Variants in DMD observed in about 807,000 individuals in gnomAD.
The protein encoded by DMD is mutant dystrophin.
DMD carries 63 observed loss-of-function variants against 330.1 expected under a neutral mutation model. The ratio of observed to expected loss-of-function variants is 0.19; its 90% CI spans 0.16 to 0.24. The LOEUF is 0.24. Ranked by LOEUF, DMD falls within the 10% of genes least tolerant of loss-of-function variation. The probability of loss-of-function intolerance (pLI) is 1.00; values close to 1 mark genes in which losing one functional copy is unlikely to be tolerated. For missense variants in DMD, 3,344 were observed against 2,684.1 expected (o/e 1.25, Z -5.43); for synonymous variants, 1,223 against 959.8 (o/e 1.27, Z -5.07).
rs144329742 is a variant in DMD, at chrX:32,411,860, A to G, written c.4125T>C (p.Thr1375=). ...LEQSIQSAQE[T]EKSLHLIQES... ...CCTGGATTAAGTGTAAGGATTTTTCAGTCTCCTGGGCAGACTGGATGCTCT... is the reference window on the plus strand; with the variant it reads ...CCTGGATTAAGTGTAAGGATTTTTCGGTCTCCTGGGCAGACTGGATGCTCT... Residue 1375 remains threonine, a synonymous_variant, in exon 30 of 79, where the codon ACT becomes ACC. Coordinates refer to ENST00000357033, the MANE Select transcript of DMD (RefSeq NM_004006.3). 1.2e-4 allele frequency: 146 copies of G among 1,209,262 alleles called. No homozygotes were observed. In the African/African-American group the frequency reaches 2.3e-3, roughly 19 times the overall value.
rs764277186 is a variant in DMD, at chrX:32,227,620, T to C, written c.6291-10557A>G. ...TGCTTAATGGAGAAAAGGTACATCA[T>C]TTGCATGATGGGTACACAAAAAACC... is the stretch of plus-strand genomic sequence containing the variant. On this transcript the variant is annotated intron_variant, in intron 43 of 78. Transcript: ENST00000357033. Among the ~76,000 whole-genome samples the C allele has an allele frequency of 4.6e-5, 5 of 108,898 alleles. No homozygotes were observed. In the East Asian group the frequency reaches 1.5e-3, roughly 32 times the overall value. The allele number at this position is 108,898 out of a possible 115,157, so 94.6% of individuals were successfully genotyped here. A position where few individuals can be genotyped will look rare whatever the true frequency, so the allele number is the denominator to read the frequency against.
At chrX:32,653,005 GGTT>G (rs1318111633) in intron 9 of DMD, among the ~76,000 whole-genome samples, 1 of 111,247 alleles carries the variant, frequency 9.0e-6, no homozygotes, top group African/African-American at 3.3e-5. Flanking sequence ...TTTTTGATAG[GGTT>G]GTTTTTTTCT....
chrX:32,585,472 C>T (rs1190938649), intron 13 of DMD, among the ~76,000 whole-genome samples: 1 of 109,637 alleles, frequency 9.1e-6, no homozygotes, highest in Non-Finnish European at 1.9e-5. Context: ...GAGGCCGAGG[C>T]TGGCGGATCA....
chrX:32,957,144 C>T (rs1407041123), intron 2 of DMD, among the ~76,000 whole-genome samples: 1 of 111,423 alleles, frequency 9.0e-6, no homozygotes, highest in Non-Finnish European at 1.9e-5. Flanking sequence ...TTAGTGTCAA[C>T]AAAGAGGGTG....
Position 31,119,251 on chromosome X carries a change from G to GAGAT in DMD, c.*2664_*2667dup, listed in dbSNP as rs1156717744. 2 of 112,387 alleles carry GAGAT rather than the reference G, an allele frequency of 1.8e-5. No individual in the cohort carries two copies. Among genetic ancestry groups the GAGAT allele is most frequent in the African/African-American group, 3.2e-5 (1 of 30,897 alleles). 9.3% of individuals were successfully genotyped at this position (112,387 alleles called of 1,213,427 possible). On this transcript the variant is annotated 3_prime_UTR_variant, in exon 79 of 79. Coordinates refer to ENST00000357033, the MANE Select transcript of DMD (RefSeq NM_004006.3). ...TTGTAACATAACTGCGTGCTTTATT[G>GAGAT]AGATACACAGTAAAGCAGTACTATA...
At chrX:31,903,079 T>C (rs1489623075) in intron 47 of DMD, among the ~76,000 whole-genome samples, 1 of 112,028 alleles carries the variant, frequency 8.9e-6, no homozygotes, top group Non-Finnish European at 1.9e-5. Flanking sequence ...GCGATACATG[T>C]AATTTAAAAT....
At chrX:31,293,163 G>GGGGTGTGTGTGTGTGTGTGT (rs2053836534) in intron 62 of DMD, among the ~76,000 whole-genome samples, 4 of 70,570 alleles carry the variant, frequency 5.7e-5, no homozygotes, top group Non-Finnish European at 9.7e-5. Context: ...CCCCCAACCC[G>GGGGTGTGTGTGTGTGTGTGT]GTGTGTGTGT....
intron 67 of DMD, among the ~76,000 whole-genome samples, chrX:31,199,617 C>A (rs1005718914): frequency 8.9e-6 from 1 of 111,900 alleles, no homozygotes; most frequent in Admixed American, 9.5e-5. Flanking sequence ...GAGTGTGGCA[C>A]ACAAACACGT....
At chrX:32,882,469 G>A (rs1318436456) in intron 2 of DMD, among the ~76,000 whole-genome samples, 1 of 112,242 alleles carries the variant, frequency 8.9e-6, no homozygotes, top group Non-Finnish European at 1.9e-5. Context: ...TATCAAAATG[G>A]AAATACATTA....
intron 59 of DMD, 56 bp downstream of exon 59, chrX:31,478,050 A>G: frequency 3.4e-6 from 4 of 1,179,736 alleles, no homozygotes; most frequent in Non-Finnish European, 4.6e-6. Context: ...TCAAGTTCAG[A>G]TTAGAAGCTC....
At chrX:32,768,308 G>A (rs1395476231) in intron 7 of DMD, among the ~76,000 whole-genome samples, 2 of 111,823 alleles carry the variant, frequency 1.8e-5, no homozygotes, top group Non-Finnish European at 3.8e-5. Flanking sequence ...ATCCCTGGAT[G>A]TGTTTCTTGG....
intron 5 of DMD, among the ~76,000 whole-genome samples, chrX:32,816,964 A>C (rs746656576): frequency 1.8e-5 from 2 of 112,313 alleles, no homozygotes; most frequent in East Asian, 2.8e-4. Context: ...ACAGTGTATA[A>C]AACATTAGAC....
intron 55 of DMD, among the ~76,000 whole-genome samples, chrX:31,541,780 T>C (rs113447499): frequency 1.9e-4 from 21 of 110,657 alleles, no homozygotes; most frequent in African/African-American, 6.6e-4. Flanking sequence ...CTACTGTAAA[T>C]AGTGCCGCAA....
In DMD at chrX:32,716,192, T is replaced by A. The variant is rs913067085; in HGVS notation, c.650-16899A>T. Reference sequence around the variant, plus strand: ...AGCATATTGATATGATTTGGATTTGTTTCCTTGCCCAAATCTCATGTTGAG... The same window carrying A: ...AGCATATTGATATGATTTGGATTTGATTCCTTGCCCAAATCTCATGTTGAG... On this transcript the variant is annotated intron_variant, in intron 7 of 78. Coordinates refer to ENST00000357033, the MANE Select transcript of DMD (RefSeq NM_004006.3). Among the ~76,000 whole-genome samples, 9 of 111,378 alleles carry A rather than the reference T, an allele frequency of 8.1e-5. No individual in the cohort carries two copies. In the Admixed American group the frequency reaches 8.6e-4, roughly 11 times the overall value.
chrX:32,029,616 T>C (rs768941837), intron 44 of DMD, among the ~76,000 whole-genome samples: 2 of 111,729 alleles, frequency 1.8e-5, no homozygotes, highest in African/African-American at 6.5e-5. Context: ...ACTTGGGAAG[T>C]GCTGACACAA....
chrX:32,519,965 A>G (rs1158936977), intron 17 of DMD, among the ~76,000 whole-genome samples: 2 of 111,841 alleles, frequency 1.8e-5, no homozygotes, highest in Non-Finnish European at 3.8e-5. Context: ...AATTAAGTTA[A>G]TTGACCTCAA....
intron 48 of DMD, among the ~76,000 whole-genome samples, chrX:31,842,295 T>C (rs928321360): frequency 2.7e-5 from 3 of 111,848 alleles, no homozygotes; most frequent in African/African-American, 9.7e-5. Flanking sequence ...TTGCTACTTA[T>C]AGATGAGCAA....
At chrX:31,461,083 G>GCTC (rs1263141245) in intron 59 of DMD, among the ~76,000 whole-genome samples, 1 of 111,441 alleles carries the variant, frequency 9.0e-6, no homozygotes, top group Non-Finnish European at 1.9e-5. Flanking sequence ...GCGAAACAAT[G>GCTC]CTCCCTATGA....
intron 7 of DMD, among the ~76,000 whole-genome samples, chrX:32,771,672 TC>T (rs1156910443): frequency 9.0e-6 from 1 of 111,513 alleles, no homozygotes; most frequent in Non-Finnish European, 1.9e-5. Flanking sequence ...TAAATAGTAT[TC>T]CCTGTGATGA....
Sources: allele counts gnomAD v4.1 joint callset (sites outside exome capture counted in the v4.1 genomes callset), GRCh38; gene constraint gnomAD v4.1.1; transcripts MANE v1.5; gene names NCBI Gene and HGNC (gene_info 2026-07-23, HGNC 2026-07-21).